The following BEND2 variants were observed in gnomAD, a reference collection of about 807,000 sequenced individuals.
BEND2 encodes BEN domain containing 2, also known as BEN domain-containing protein 2.
A neutral mutation model predicts 43.8 loss-of-function variants in BEND2; 19 were observed. That is an observed-to-expected ratio of 0.43 (90% confidence interval 0.30 to 0.64). The LOEUF (loss-of-function observed/expected upper bound fraction) is 0.64. Ranked by LOEUF, BEND2 falls within the 30% of genes least tolerant of loss-of-function variation. BEND2 has a pLI of 0.11. For synonymous variants in BEND2, 226 were observed against 210.1 expected (o/e 1.08, Z -0.66); for missense variants, 544 against 574.0 (o/e 0.95, Z 0.53).
intron 4 of BEND2, among the ~76,000 whole-genome samples, chrX:18,211,706 C>A (rs1299793341): frequency 9.1e-6 from 1 of 110,104 alleles, no homozygotes; most frequent in Non-Finnish European, 1.9e-5. Flanking sequence ...TCGCTTGAAC[C>A]CGGGAGGTGG....
chrX:18,204,626 T>C (rs1925273100), intron 4 of BEND2, among the ~76,000 whole-genome samples: 1 of 112,050 alleles, frequency 8.9e-6, no homozygotes, highest in Non-Finnish European at 1.9e-5. Flanking sequence ...ACAAAAGTTC[T>C]CAAGCCATCA....
At chrX:18,191,185 A>G in intron 7 of BEND2, 77 bp from the exon 8 acceptor site, 1 of 773,523 alleles carries the variant, frequency 1.3e-6, no homozygotes. Flanking sequence ...TGTTTTTTAG[A>G]TCAGGTGAAA....
intron 5 of BEND2, 74 bp downstream of exon 5, chrX:18,203,427 C>T (rs936058068): frequency 1.4e-5 from 14 of 1,030,811 alleles, no homozygotes; most frequent in Non-Finnish European, 3.9e-6. Flanking sequence ...ATAACTAACA[C>T]TAATTTGCAT....
chrX:18,181,257 G>A (rs1924376072), intron 8 of BEND2, among the ~76,000 whole-genome samples: 1 of 111,292 alleles, frequency 9.0e-6, no homozygotes, highest in East Asian at 2.8e-4. Flanking sequence ...ATTAATTGCA[G>A]GGGTTTTTTT....
chrX:18,188,253 T>A (rs1363536025), intron 8 of BEND2, among the ~76,000 whole-genome samples: 1 of 111,228 alleles, frequency 9.0e-6, no homozygotes, highest in Non-Finnish European at 1.9e-5. Flanking sequence ...AGGTTGCTTT[T>A]CTGAAAAGAC....
intron 6 of BEND2, among the ~76,000 whole-genome samples, chrX:18,197,114 C>G (rs891290955): frequency 8.9e-6 from 1 of 112,079 alleles, no homozygotes; most frequent in Non-Finnish European, 1.9e-5. Context: ...TTATTTCTTA[C>G]AAATACATGT....
Position 18,180,665 on chromosome X carries a change from C to A in BEND2, c.1289-15G>T. ...AGGTAACAGTGCTGAAAGAAAAGAA[C>A]TCTCAACTGACAATTCTATATCCAG... On this transcript the variant is annotated splice_polypyrimidine_tract_variant and intron_variant, in intron 8 of 13. Transcript: ENST00000380033. 1 of 1,160,371 alleles carries A rather than the reference C, an allele frequency of 8.6e-7. No homozygotes were observed.
At chrX:18,190,762 T>TCACACA (rs1423975661) in intron 8 of BEND2, among the ~76,000 whole-genome samples, 2 of 87,683 alleles carry the variant, frequency 2.3e-5, no homozygotes, top group Non-Finnish European at 4.7e-5. Flanking sequence ...TCTCTCTCTC[T>TCACACA]CTCTCACACA....
At chrX:18,181,531 A>G (rs1309043696) in intron 8 of BEND2, among the ~76,000 whole-genome samples, 2 of 112,064 alleles carry the variant, frequency 1.8e-5, no homozygotes, top group Non-Finnish European at 3.8e-5. Flanking sequence ...ATACAAAACC[A>G]TCATGAGTTC....
chrX:18,214,997 T>C (rs1363494301), intron 2 of BEND2, among the ~76,000 whole-genome samples: 2 of 110,986 alleles, frequency 1.8e-5, no homozygotes, highest in Non-Finnish European at 3.8e-5. Context: ...TCATTTATAA[T>C]TTTAAAAATA....
At position 18,201,933 on chromosome X, in the gene BEND2, T is replaced by C. The variant is rs1193548154; in HGVS notation, c.915A>G (p.Pro305=). The C allele has an allele frequency of 7.5e-6, 9 of 1,207,254 alleles. No homozygotes were observed. Among genetic ancestry groups the C allele is most frequent in the African/African-American group, 6.9e-5 (4 of 57,559 alleles). Residue 305 remains proline (P), a synonymous_variant, in exon 6 of 14, where the codon CCA becomes CCG. Coordinates refer to ENST00000380033, the MANE Select transcript of BEND2 (RefSeq NM_153346.5). ...TTTTACTGCTGTTTGCTGGTCTTTC[T>C]GGCATTTCTGTAAATAAAAAGTTTT... ...SFCFHPNLEM[P]ERPANSSKNS... is the part of the protein sequence containing the mutation.
intron 10 of BEND2, 151 bp downstream of exon 10, chrX:18,177,418 G>C: frequency 3.5e-6 from 2 of 567,225 alleles, no homozygotes; most frequent in Admixed American, 3.2e-5. Context: ...ATATTATTAA[G>C]TTGTAAAATC....
chrX:18,201,807 A>C lies in BEND2; in HGVS notation c.1033+8T>G. ...CACGCCCAGCATTATGTATCATTTC[A>C]AACTCACCAAAATAGGGAGGGATGA... On this transcript the variant is annotated splice_region_variant and intron_variant, in intron 6 of 13. Transcript: ENST00000380033. The C allele has an allele frequency of 8.3e-7, 1 of 1,202,855 alleles. No individual in the cohort carries two copies. Among genetic ancestry groups the C allele is most frequent in the Non-Finnish European group, 1.1e-6 (1 of 891,675 alleles).
At chrX:18,196,859 C>A (rs1252502229) in intron 6 of BEND2, among the ~76,000 whole-genome samples, 1 of 111,016 alleles carries the variant, frequency 9.0e-6, no homozygotes, top group East Asian at 2.8e-4. Flanking sequence ...ATGAGGCAGC[C>A]TGGTGGTGAT....
In BEND2 at chrX:18,195,336, T is replaced by C. The variant is rs1924903917; in HGVS notation, c.1140A>G (p.Pro380=). 4.1e-6 allele frequency: 5 copies of C among 1,206,975 alleles called. No homozygotes were observed. The highest frequency in any genetic ancestry group is 5.6e-6 in the Non-Finnish European group (5 of 893,573). Residue 380 remains proline, a synonymous_variant, in exon 7 of 14, where the codon CCA becomes CCG. Transcript: ENST00000380033. ...YPALSGNTSA[P]YPASSYLPIT... ...TGGGAAGATATGAAGAGGCTGGATA[T>C]GGGGCACTCGTATTTCCCGATAAAG... is the stretch of plus-strand genomic sequence containing the variant.
rs776108832 is a variant in BEND2 at position 18,195,480 on chromosome X, T to C, written c.1034-38A>G. 60 of 1,123,818 alleles carry C rather than the reference T, an allele frequency of 5.3e-5. No individual in the cohort carries two copies. In the East Asian group the frequency reaches 1.3e-3, roughly 24 times the overall value. 92.6% of individuals were successfully genotyped at this position (1,123,818 alleles called of 1,213,427 possible). On this transcript the variant is annotated intron_variant, in intron 6 of 13. Coordinates refer to ENST00000380033, the MANE Select transcript of BEND2 (RefSeq NM_153346.5). ...AAAAAGAATGCTCAATCATAAATTC[T>C]ACATGAGGTAAAACTATCCTTCTGG...
At chrX:18,201,615 C>T (rs770386277) in intron 6 of BEND2, among the ~76,000 whole-genome samples, 200 bp downstream of exon 6, 5 of 107,327 alleles carry the variant, frequency 4.7e-5, no homozygotes, top group South Asian at 4.4e-4. Flanking sequence ...CCTCGGCCTC[C>T]GGAGTAGCTG....
intron 4 of BEND2, 43 bp from the exon 5 acceptor site, chrX:18,203,958 C>T (rs756185610): frequency 3.7e-6 from 4 of 1,090,633 alleles, no homozygotes; most frequent in Middle Eastern, 3.4e-4. Flanking sequence ...TTATTTTCTT[C>T]GGTTCCTAGA....
intron 6 of BEND2, among the ~76,000 whole-genome samples, chrX:18,200,015 G>A (rs965365859): frequency 9.0e-6 from 1 of 111,469 alleles, no homozygotes; most frequent in Non-Finnish European, 1.9e-5. Flanking sequence ...ATAAGGCTCA[G>A]CAATTACACT....
Sources: allele counts gnomAD v4.1 joint callset (sites outside exome capture counted in the v4.1 genomes callset), GRCh38; gene constraint gnomAD v4.1.1; transcripts MANE v1.5; gene names NCBI Gene and HGNC (gene_info 2026-07-23, HGNC 2026-07-21).